Variants in FAF1 observed in about 807,000 individuals in gnomAD.
FAF1 encodes the protein FAS-associated factor 1.
A neutral mutation model predicts 92.5 loss-of-function variants in FAF1; 25 were observed. The ratio of observed to expected loss-of-function variants is 0.27; its 90% CI spans 0.20 to 0.38. The LOEUF (loss-of-function observed/expected upper bound fraction) is 0.38, where lower values mean the gene tolerates loss of function less well. Among genes scored for constraint, FAF1 ranks in the 10% least tolerant of loss-of-function variants. The pLI is 1.00. For missense variants in FAF1, 636 were observed against 793.3 expected, an observed-to-expected ratio of 0.80 and a Z score of 2.38; for synonymous variants, 234 against 273.2, an observed-to-expected ratio of 0.86 and a Z score of 1.42.
chr1:50,502,795 A>G (rs1343457727), intron 15 of FAF1, among the ~76,000 whole-genome samples: 1 of 152,080 alleles, frequency 6.6e-6, no homozygotes, highest in Non-Finnish European at 1.5e-5. Context: ...ATTGTATTTG[A>G]GCTATTTTGC....
chr1:50,677,087 G>A (rs1489683091), intron 7 of FAF1, among the ~76,000 whole-genome samples: 1 of 152,102 alleles, frequency 6.6e-6, no homozygotes, highest in Non-Finnish European at 1.5e-5. Flanking sequence ...AAATACTAAA[G>A]TAACTTGGTT....
chr1:50,484,133 G>C (rs2149004014), intron 17 of FAF1, among the ~76,000 whole-genome samples: 1 of 152,260 alleles, frequency 6.6e-6, no homozygotes, highest in Middle Eastern at 3.4e-3. Flanking sequence ...CAAAGGAGTA[G>C]AATGGATCCC....
intron 8 of FAF1, among the ~76,000 whole-genome samples, chr1:50,625,874 C>T (rs1260466874): frequency 2.0e-5 from 3 of 152,042 alleles, no homozygotes; most frequent in African/African-American, 7.2e-5. Context: ...AATAAGATAA[C>T]TCACATTCCT....
chr1:50,545,370 G>GT (rs1366684918), intron 13 of FAF1, among the ~76,000 whole-genome samples: 3 of 152,088 alleles, frequency 2.0e-5, no homozygotes, highest in African/African-American at 7.2e-5. Flanking sequence ...CGCCTCCCGA[G>GT]TGATTCTCCT....
intron 8 of FAF1, among the ~76,000 whole-genome samples, chr1:50,606,171 C>T (rs1409320982): frequency 6.6e-6 from 1 of 152,082 alleles, no homozygotes; most frequent in Non-Finnish European, 1.5e-5. Flanking sequence ...AGTTGCAATG[C>T]CCAATTATTT....
chr1:50,684,959 G>A (rs1057263707), intron 7 of FAF1, among the ~76,000 whole-genome samples: 1 of 152,154 alleles, frequency 6.6e-6, no homozygotes, highest in Non-Finnish European at 1.5e-5. Context: ...TGTTGTATGA[G>A]GCACAATATC....
intron 1 of FAF1, among the ~76,000 whole-genome samples, chr1:50,871,917 T>C (rs1033995702): frequency 2.0e-5 from 3 of 151,898 alleles, no homozygotes; most frequent in African/African-American, 7.3e-5. Context: ...TACAAAAAAT[T>C]AGCCGGGCAT....
At chr1:50,573,723 G>C (rs1650566432) in intron 12 of FAF1, among the ~76,000 whole-genome samples, 2 of 151,784 alleles carry the variant, frequency 1.3e-5, no homozygotes, top group Non-Finnish European at 2.9e-5. Context: ...CACTTTCTGA[G>C]CAGATGTTGG....
chr1:50,743,718 T>A (rs1659478579), intron 5 of FAF1, among the ~76,000 whole-genome samples: 1 of 152,018 alleles, frequency 6.6e-6, no homozygotes, highest in Admixed American at 6.6e-5. Context: ...ACCTCAAACA[T>A]CTAAAACTCT....
intron 8 of FAF1, among the ~76,000 whole-genome samples, chr1:50,651,528 A>G (rs1157903136): frequency 6.6e-6 from 1 of 152,196 alleles, no homozygotes; most frequent in Non-Finnish European, 1.5e-5. Context: ...CTGAGCAATA[A>G]AAGTACAAAA....
chr1:50,833,845 T>C (rs946470934), intron 2 of FAF1, among the ~76,000 whole-genome samples: 2 of 152,246 alleles, frequency 1.3e-5, no homozygotes. Flanking sequence ...CCATCTCAAA[T>C]TGTAAAGTTT....
At chr1:50,492,505 A>G (rs763220351) in intron 15 of FAF1, among the ~76,000 whole-genome samples, 3 of 152,246 alleles carry the variant, frequency 2.0e-5, no homozygotes, top group Non-Finnish European at 4.4e-5. Context: ...TCACGAATTC[A>G]TTTAAAATTA....
At chr1:50,475,371 A>G (rs1646625856) in intron 18 of FAF1, 93 bp downstream of exon 18, 1 of 930,740 alleles carries the variant, frequency 1.1e-6, no homozygotes. Flanking sequence ...AGTTGCCTGC[A>G]CCATGGGACT....
chr1:50,789,019 A>G (rs577524123), intron 3 of FAF1, among the ~76,000 whole-genome samples: 1 of 152,108 alleles, frequency 6.6e-6, no homozygotes, highest in East Asian at 1.9e-4. Context: ...TTTTTTGTAG[A>G]AACGGAGTCT....
At chr1:50,723,398 CAAA>C (rs539161759) in intron 6 of FAF1, among the ~76,000 whole-genome samples, 4 of 118,210 alleles carry the variant, frequency 3.4e-5, no homozygotes, top group Admixed American at 8.6e-5. Context: ...AGACTGTCTC[CAAA>C]AAAAAAAAAA....
intron 6 of FAF1, among the ~76,000 whole-genome samples, chr1:50,726,416 G>C (rs1658655558): frequency 6.6e-6 from 1 of 152,146 alleles, no homozygotes; most frequent in South Asian, 2.1e-4. Context: ...AAGAAAATAG[G>C]CTGGGCACGG....
intron 6 of FAF1, among the ~76,000 whole-genome samples, chr1:50,731,870 G>A (rs995301138): frequency 6.6e-6 from 1 of 151,932 alleles, no homozygotes; most frequent in Admixed American, 6.6e-5. Flanking sequence ...GGGGATTTGG[G>A]ATATATGTTT....
intron 8 of FAF1, among the ~76,000 whole-genome samples, chr1:50,598,910 C>T (rs1375466642): frequency 6.7e-6 from 1 of 150,300 alleles, no homozygotes; most frequent in Non-Finnish European, 1.5e-5. Context: ...GTGGAGGTTG[C>T]AGTAAGCTGA....
At chr1:50,477,282 A>G (rs938303574) in intron 17 of FAF1, among the ~76,000 whole-genome samples, 1 of 152,150 alleles carries the variant, frequency 6.6e-6, no homozygotes, top group Non-Finnish European at 1.5e-5. Flanking sequence ...AATTATATAG[A>G]CCATATATAT....
Sources: gnomAD v4.1 joint callset for allele counts (sites outside exome capture counted in the v4.1 genomes callset) on GRCh38, gnomAD v4.1.1 for gene constraint, MANE v1.5 for transcripts, NCBI Gene and HGNC (gene_info 2026-07-23, HGNC 2026-07-21) for gene names.